MYL11: variants seen among roughly 807,000 people sequenced by gnomAD.
The protein encoded by MYL11 is myosin light chain 11.
chr16:30,375,420 G>A, the MYL11 span, among the ~76,000 whole-genome samples: 7 of 149,102 alleles, frequency 4.7e-5, no homozygotes, highest in East Asian at 3.9e-4. Flanking sequence ...AGCCGAGATC[G>A]CAGCACCGCA....
chr16:30,374,487 A>G, the MYL11 span, among the ~76,000 whole-genome samples: 1 of 152,164 alleles, frequency 6.6e-6, no homozygotes, highest in African/African-American at 2.4e-5. Flanking sequence ...ACTCAGGGGT[A>G]CAGGATCTGG....
At chr16:30,373,361 C>T in the MYL11 span, among the ~76,000 whole-genome samples, 4 of 152,034 alleles carry the variant, frequency 2.6e-5, no homozygotes, top group African/African-American at 9.7e-5. Context: ...TTTGGGAGGC[C>T]GAGGCAGGCA....
At chr16:30,372,360 G>C in the MYL11 span, 5 of 152,508 alleles carry the variant, frequency 3.3e-5, no homozygotes, top group Non-Finnish European at 7.3e-5. Flanking sequence ...ATGTCTTAGA[G>C]GTATCGGCAT....
chr16:30,376,016 C>A, the MYL11 span: 1 of 1,479,358 alleles, frequency 6.8e-7, no homozygotes, highest in Non-Finnish European at 9.3e-7. Flanking sequence ...GTTTAGAATT[C>A]CTTCCTCCCC....
the MYL11 span, chr16:30,375,956 C>A: frequency 3.1e-6 from 5 of 1,587,700 alleles, no homozygotes; most frequent in South Asian, 5.6e-5. Context: ...CCAAAAGCAG[C>A]CCTGCTGGCC....
chr16:30,377,636 T>C, the MYL11 span: 1 of 1,486,184 alleles, frequency 6.7e-7, no homozygotes, highest in Non-Finnish European at 9.0e-7. Context: ...CAACTCCCCT[T>C]GTGTCACCTC....
chr16:30,373,295 A>G, the MYL11 span, among the ~76,000 whole-genome samples: 3 of 152,170 alleles, frequency 2.0e-5, no homozygotes, highest in East Asian at 3.9e-4. Flanking sequence ...CATCTCTACT[A>G]AAAATACAAA....
At chr16:30,372,627 G>A in the MYL11 span, among the ~76,000 whole-genome samples, 1 of 151,374 alleles carries the variant, frequency 6.6e-6, no homozygotes, top group Non-Finnish European at 1.5e-5. Context: ...GGCTATCAAG[G>A]CACCTCACAG....
chr16:30,376,301 A>T, the MYL11 span: 1 of 1,564,366 alleles, frequency 6.4e-7, no homozygotes, highest in Non-Finnish European at 8.7e-7. Context: ...CAGCCCTGTC[A>T]GCTCCACCTT....
At chr16:30,375,964 G>A in the MYL11 span, 1 of 1,582,750 alleles carries the variant, frequency 6.3e-7, no homozygotes, top group Non-Finnish European at 8.7e-7. Context: ...AGCCCTGCTG[G>A]CCCTCTCCCT....
At chr16:30,376,506 A>G in the MYL11 span, 1 of 1,614,032 alleles carries the variant, frequency 6.2e-7, no homozygotes, top group Non-Finnish European at 8.5e-7. Context: ...CTTCCTGACC[A>G]TGTTCGGGGA....
At chr16:30,377,860 G>T in the MYL11 span, 65 of 1,613,848 alleles carry the variant, frequency 4.0e-5, no homozygotes, top group Non-Finnish European at 4.8e-5. Context: ...AAAAACATCT[G>T]CTACGTCATC....
At chr16:30,377,553 GT>G in the MYL11 span, 1 of 1,286,620 alleles carries the variant, frequency 7.8e-7, no homozygotes, top group Middle Eastern at 2.0e-4. Flanking sequence ...AGTGACCTGG[GT>G]TTTCAGGGGA....
At chr16:30,375,043 G>A in the MYL11 span, among the ~76,000 whole-genome samples, 3 of 152,182 alleles carry the variant, frequency 2.0e-5, no homozygotes, top group African/African-American at 4.8e-5. Flanking sequence ...ATGATAATCC[G>A]CCCAGACATT....
chr16:30,375,812 C>T, the MYL11 span: 2 of 1,613,188 alleles, frequency 1.2e-6, no homozygotes, highest in Non-Finnish European at 8.5e-7. Context: ...TCAACCCTCA[C>T]CCTCCAGGCA....
At chr16:30,373,592 T>A in the MYL11 span, among the ~76,000 whole-genome samples, 1 of 139,512 alleles carries the variant, frequency 7.2e-6, no homozygotes, top group Non-Finnish European at 1.5e-5. Context: ...CGAGACTTCA[T>A]CTCAAAAAAA....
the MYL11 span, chr16:30,376,752 C>T: frequency 1.3e-6 from 2 of 1,528,594 alleles, no homozygotes; most frequent in African/African-American, 2.7e-5. Flanking sequence ...ACCAGCTGCT[C>T]CCACACTGAC....
At chr16:30,373,456 C>T in the MYL11 span, among the ~76,000 whole-genome samples, 9 of 152,064 alleles carry the variant, frequency 5.9e-5, no homozygotes, top group African/African-American at 1.4e-4. Context: ...ATTAGGCGGG[C>T]GTGGTGACAC....
chr16:30,377,824 C>T, the MYL11 span: 23 of 1,614,022 alleles, frequency 1.4e-5, 2 homozygotes, highest in South Asian at 2.0e-4. Flanking sequence ...GCCTTCCCCC[C>T]CGACGTGGGC....
Sources: gnomAD v4.1 joint callset for allele counts (sites outside exome capture counted in the v4.1 genomes callset) on GRCh38, gnomAD v4.1.1 for gene constraint, MANE v1.5 for transcripts, NCBI Gene and HGNC (gene_info 2026-07-23, HGNC 2026-07-21) for gene names.